Variants in MCPH1 observed in about 807,000 individuals in gnomAD.
The protein encoded by MCPH1 is microcephalin 1.
Under a neutral mutation model 84.5 loss-of-function variants are expected in MCPH1, and 104 were observed. The observed-to-expected ratio is 1.23, with a 90% CI of 1.05 to 1.45. MCPH1 has a LOEUF of 1.45. Among genes scored for constraint, MCPH1 ranks in the 40% most tolerant of loss-of-function variants. The pLI, the probability that MCPH1 is intolerant of heterozygous loss-of-function variation, is 0.00. For missense variants in MCPH1, 1,498 were observed against 1,005.7 expected (o/e 1.49, Z -6.62); for synonymous variants, 514 against 366.8 (o/e 1.40, Z -4.58).
chr8:6,611,758 A>G (rs1258163544), intron 12 of MCPH1, among the ~76,000 whole-genome samples: 3 of 152,098 alleles, frequency 2.0e-5, no homozygotes, highest in Admixed American at 6.5e-5. Flanking sequence ...AGCTGGGACT[A>G]CAGGCGTCCG....
At chr8:6,529,623 ATTTTTT>A (rs35322987) in intron 12 of MCPH1, among the ~76,000 whole-genome samples, 1 of 120,976 alleles carries the variant, frequency 8.3e-6, no homozygotes, top group African/African-American at 3.1e-5. Context: ...CGCCTGGCTA[ATTTTTT>A]TTTTTTTTTT....
chr8:6,611,086 G>T (rs1361182596), intron 12 of MCPH1, among the ~76,000 whole-genome samples: 1 of 151,028 alleles, frequency 6.6e-6, no homozygotes, highest in Non-Finnish European at 1.5e-5. Flanking sequence ...TGCTTCTACT[G>T]TTGCTACACA....
At chr8:6,449,792 G>A (rs983364687) in intron 8 of MCPH1, among the ~76,000 whole-genome samples, 1 of 152,160 alleles carries the variant, frequency 6.6e-6, no homozygotes, top group Non-Finnish European at 1.5e-5. Flanking sequence ...AGAGAGAATC[G>A]TTGCTTATGT....
chr8:6,622,341 G>C (rs572757046), intron 13 of MCPH1: 1 of 157,048 alleles, frequency 6.4e-6, no homozygotes, highest in Non-Finnish European at 1.4e-5. Context: ...GCTAACACAC[G>C]GGCTCCAGGA....
At chr8:6,612,638 G>T (rs990792451) in intron 12 of MCPH1, among the ~76,000 whole-genome samples, 1 of 152,224 alleles carries the variant, frequency 6.6e-6, no homozygotes, top group African/African-American at 2.4e-5. Flanking sequence ...CTGCCCAGCT[G>T]GCTGGCCTGC....
At chr8:6,446,691 G>A in intron 8 of MCPH1, 2 of 984,968 alleles carry the variant, frequency 2.0e-6, no homozygotes, top group Non-Finnish European at 2.4e-6. Context: ...CCTGTTCTGA[G>A]GTTTACATTC....
At chr8:6,425,246 G>C (rs988504435) in intron 3 of MCPH1, among the ~76,000 whole-genome samples, 1 of 152,178 alleles carries the variant, frequency 6.6e-6, no homozygotes, top group African/African-American at 2.4e-5. Context: ...CAAATAGTTG[G>C]TTCTCTGTTT....
intron 12 of MCPH1, among the ~76,000 whole-genome samples, chr8:6,530,158 G>C (rs1304263011): frequency 1.3e-5 from 2 of 152,066 alleles, no homozygotes; most frequent in African/African-American, 2.4e-5. Flanking sequence ...AAAAGGTGGG[G>C]CATGTGACTT....
chr8:6,457,875 C>T (rs533668523), intron 9 of MCPH1, among the ~76,000 whole-genome samples: 3 of 152,246 alleles, frequency 2.0e-5, no homozygotes, highest in African/African-American at 4.8e-5. Context: ...TCCTAATGCC[C>T]TAGGGTAGTG....
chr8:6,626,809 C>G (rs1424187343), intron 13 of MCPH1: 1 of 985,174 alleles, frequency 1.0e-6, no homozygotes, highest in Non-Finnish European at 1.2e-6. Flanking sequence ...GTGCTGTGGT[C>G]AGCTCTGTGC....
chr8:6,470,240 A>G (rs763969959), intron 9 of MCPH1, among the ~76,000 whole-genome samples: 89 of 151,992 alleles, frequency 5.9e-4, no homozygotes, highest in African/African-American at 2.1e-3. Context: ...TAGAATTTGT[A>G]CTTGTTTTTT....
intron 3 of MCPH1, among the ~76,000 whole-genome samples, chr8:6,415,516 G>A (rs1320882537): frequency 2.5e-4 from 38 of 151,942 alleles, no homozygotes; most frequent in Admixed American, 1.8e-3. Context: ...ACCATGCCTG[G>A]CTAATTTTTG....
intron 12 of MCPH1, among the ~76,000 whole-genome samples, chr8:6,505,583 C>T (rs1813430707): frequency 8.8e-6 from 1 of 113,042 alleles, no homozygotes; most frequent in African/African-American, 3.4e-5. Flanking sequence ...AATGTATATT[C>T]TTTTTGTATA....
intron 9 of MCPH1, among the ~76,000 whole-genome samples, chr8:6,473,623 G>A (rs576528903): frequency 7.9e-5 from 12 of 152,190 alleles, no homozygotes; most frequent in African/African-American, 2.4e-4. Flanking sequence ...GAGCCACCGC[G>A]CCCAGCCTGT....
At chr8:6,601,350 C>T (rs140111253) in intron 12 of MCPH1, among the ~76,000 whole-genome samples, 2 of 152,086 alleles carry the variant, frequency 1.3e-5, no homozygotes, top group Non-Finnish European at 2.9e-5. Context: ...CCTTCAAGAC[C>T]TCTCCTTAAA....
chr8:6,538,455 G>A (rs573520322), intron 12 of MCPH1, among the ~76,000 whole-genome samples: 1 of 152,174 alleles, frequency 6.6e-6, no homozygotes, highest in South Asian at 2.1e-4. Flanking sequence ...TTGCAGGTTT[G>A]CCTGAGGATA....
At chr8:6,424,199 A>C (rs992807969) in intron 3 of MCPH1, among the ~76,000 whole-genome samples, 3 of 152,206 alleles carry the variant, frequency 2.0e-5, no homozygotes, top group African/African-American at 7.2e-5. Flanking sequence ...TTTTACCTTG[A>C]AGAAAGAATA....
intron 11 of MCPH1, among the ~76,000 whole-genome samples, chr8:6,489,484 C>T (rs1204089059): frequency 6.6e-6 from 1 of 152,116 alleles, no homozygotes; most frequent in East Asian, 1.9e-4. Flanking sequence ...TTGATTTCTT[C>T]AGGTGGATGT....
chr8:6,508,113 T>A (rs868255693), intron 12 of MCPH1: 1 of 152,252 alleles, frequency 6.6e-6, no homozygotes, highest in South Asian at 2.1e-4. Flanking sequence ...TTAACTCATT[T>A]GTGTTTATAG....
Sources: gnomAD v4.1 joint callset for allele counts (sites outside exome capture counted in the v4.1 genomes callset) on GRCh38, gnomAD v4.1.1 for gene constraint, MANE v1.5 for transcripts, NCBI Gene and HGNC (gene_info 2026-07-23, HGNC 2026-07-21) for gene names.